Variants in MYH9 observed in about 807,000 individuals in gnomAD.
MYH9 encodes the protein myosin heavy chain 9.
Under a neutral mutation model 241.9 loss-of-function variants are expected in MYH9, and 29 were observed. The observed-to-expected ratio is 0.12, with a 90% CI of 0.09 to 0.16. The LOEUF (loss-of-function observed/expected upper bound fraction) is 0.16. Ranked by LOEUF, MYH9 falls within the 10% of genes least tolerant of loss-of-function variation. The probability of loss-of-function intolerance (pLI) is 1.00; values close to 1 mark genes in which losing one functional copy is unlikely to be tolerated. For missense variants in MYH9, 1,803 were observed against 2,595.5 expected (o/e 0.69, Z 6.63); for synonymous variants, 1,047 against 1,062.6 (o/e 0.99, Z 0.29).
chr22:36,282,079 C>G lies in MYH9; in HGVS notation c.*589G>C, dbSNP rs116572976. ...GTGGGGAGGAATCCACTCCTCCCCC[C>G]ACCCCAGCCTTCTGTGCCCTGCACA... On this transcript the variant is annotated 3_prime_UTR_variant, in exon 41 of 41. Coordinates refer to ENST00000216181, the MANE Select transcript of MYH9 (RefSeq NM_002473.6). The G allele has an allele frequency of 5.9e-5, 14 of 237,244 alleles. No homozygotes were observed. Among genetic ancestry groups the G allele is most frequent in the Non-Finnish European group, 1.0e-4 (12 of 119,928 alleles). The allele number at this position is 237,244 out of a possible 1,614,324, so 14.7% of individuals were successfully genotyped here.
intron 31 of MYH9, among the ~76,000 whole-genome samples, chr22:36,291,051 G>A (rs1322962682): frequency 3.3e-5 from 5 of 149,348 alleles, no homozygotes; most frequent in Admixed American, 3.3e-4. Context: ...ATCCGGGAGG[G>A]AGGTGGGGGG....
rs2016717004 is a variant in MYH9 at position 36,292,190 on chromosome 22, C to T, written c.4140G>A (p.Leu1380=). The change falls in exon 31 of 41, where the codon CTG becomes CTA. Residue 1380 remains leucine (L), a synonymous_variant. Coordinates refer to ENST00000216181, the MANE Select transcript of MYH9 (RefSeq NM_002473.6). Reference sequence around the variant, plus strand: ...TCCTCTTCACCTCCTCAGCAGTTTCCAGGCACCCCACACTGTCCTCCATCT... The same window carrying T: ...TCCTCTTCACCTCCTCAGCAGTTTCTAGGCACCCCACACTGTCCTCCATCT... ...KKKMEDSVGC[L]ETAEEVKRKL... is the part of the protein sequence containing the mutation. 6.2e-7 allele frequency: 1 copy of T among 1,614,126 alleles called. No individual in the cohort carries two copies. The highest frequency in any genetic ancestry group is 8.5e-7 in the Non-Finnish European group (1 of 1,180,032).
chr22:36,335,083 C>A (rs748698696), intron 3 of MYH9, among the ~76,000 whole-genome samples: 1 of 152,174 alleles, frequency 6.6e-6, no homozygotes, highest in Middle Eastern at 3.2e-3. Flanking sequence ...CCCGTACCCA[C>A]CCCAGAAGCT....
chr22:36,305,801 T>C lies in MYH9; in HGVS notation c.2159+129A>G. The C allele has an allele frequency of 7.4e-7, 1 of 1,343,582 alleles. No homozygotes were observed. The highest frequency in any genetic ancestry group is 1.1e-6 in the Non-Finnish European group (1 of 946,976). The allele number at this position is 1,343,582 out of a possible 1,614,324, so 83.2% of individuals were successfully genotyped here. The stretch of plus-strand genomic sequence containing the variant: ...GGAGGTGGGGAAGAGCTGGCCAGAC[T>C]CAGTTCTACATGGATGGAGGACGTC... On this transcript the variant is annotated intron_variant, in intron 17 of 40. Transcript: ENST00000216181. This position sits in a 1 kb window ranked among gnomAD's most constrained non-coding sequence, Gnocchi z 4.7.
At chr22:36,317,152 G>T (rs1167089475) in intron 11 of MYH9, among the ~76,000 whole-genome samples, 2 of 144,238 alleles carry the variant, frequency 1.4e-5, no homozygotes, top group Non-Finnish European at 3.1e-5. Context: ...GGGGAGATAA[G>T]ACAAACGATG....
Position 36,285,992 on chromosome 22 carries a change from C to T in MYH9, c.5062-39G>A. 6.2e-7 allele frequency: 1 copy of T among 1,603,962 alleles called. No homozygotes were observed. On this transcript the variant is annotated intron_variant, in intron 35 of 40. Transcript: ENST00000216181. The surrounding 1 kb of genome is among the most constrained non-coding windows in gnomAD (Gnocchi z 7.0). ...CCAGAGTGTGACCTAAAGGCAGCCA[C>T]AGCCCCACAAGACCATCCTTCCCAG...
chr22:36,301,301 G>C (rs2016872960), intron 21 of MYH9, among the ~76,000 whole-genome samples: 1 of 152,152 alleles, frequency 6.6e-6, no homozygotes, highest in Admixed American at 6.5e-5. Flanking sequence ...GTAGAGCTGA[G>C]GTTTGAACCC....
chr22:36,384,609 AAAATATATATATATATAT>A (rs1281172290), intron 1 of MYH9, among the ~76,000 whole-genome samples: 86 of 22,754 alleles, frequency 3.8e-3, no homozygotes, highest in African/African-American at 0.011. Context: ...AAAAAAAAAA[AAAATATATATATATATAT>A]ATATATATAT....
At chr22:36,309,510 C>T (rs1200792629) in intron 14 of MYH9, 114 bp from the exon 15 acceptor site, 3 of 768,346 alleles carry the variant, frequency 3.9e-6, no homozygotes, top group Admixed American at 2.0e-5. Flanking sequence ...ACGTGAAGAC[C>T]CTTTGATCCA....
chr22:36,341,310 G>T, intron 3 of MYH9, 60 bp downstream of exon 3: 1 of 1,601,186 alleles, frequency 6.2e-7, no homozygotes, highest in Non-Finnish European at 8.5e-7. Flanking sequence ...ACCTGCAAAG[G>T]TGTCAATGAG....
intron 13 of MYH9, among the ~76,000 whole-genome samples, chr22:36,313,451 CAAAAAAAAAAAAAA>C (rs57101170): frequency 1.9e-5 from 1 of 52,930 alleles, no homozygotes; most frequent in East Asian, 4.1e-4. Flanking sequence ...GACTCCGTCT[CAAAAAAAAAAAAAA>C]AAAAAAAAAG....
rs532156048 is a variant in MYH9, at chr22:36,296,901, C to A, written c.3214G>T (p.Ala1072Ser). Residue 1072 changes from alanine to serine, a missense_variant, in exon 25 of 41, where the codon GCG (alanine) becomes TCG (serine). Physicochemically the swap from Ala to Ser is moderately conservative, Grantham distance 99. Coordinates refer to ENST00000216181, the MANE Select transcript of MYH9 (RefSeq NM_002473.6). ...TTGGCCAGCTGCATCTTGAGCTCCG[C>A]GATCTGGGCCTGGAGCTCGGCGATC... ...DQIAELQAQI[A>S]ELKMQLAKKE... The A allele has an allele frequency of 6.2e-7, 1 of 1,613,786 alleles. No homozygotes were observed. The highest frequency in any genetic ancestry group is 8.5e-7 in the Non-Finnish European group (1 of 1,179,826).
At chr22:36,325,712 T>C (rs1266531950) in intron 5 of MYH9, among the ~76,000 whole-genome samples, 3 of 152,210 alleles carry the variant, frequency 2.0e-5, no homozygotes, top group African/African-American at 7.2e-5. Flanking sequence ...AGGTTCCGCA[T>C]GGGACATGAC....
Position 36,380,087 on chromosome 22 carries a change from C to T in MYH9, c.-20+7720G>A, listed in dbSNP as rs1403582004. 4.6e-5 allele frequency among the ~76,000 whole-genome samples: 7 copies of T among 152,228 alleles called. No individual in the cohort carries two copies. The East Asian group carries it at 9.6e-4, about 21-fold the overall frequency. ...GGCGGTCCCATTTTAGAGCCAGTCTCATAGTGTGTGCTCATGTGTGACTCA... is the reference window on the plus strand; with the variant it reads ...GGCGGTCCCATTTTAGAGCCAGTCTTATAGTGTGTGCTCATGTGTGACTCA... On this transcript the variant is annotated intron_variant, in intron 1 of 40. Coordinates refer to ENST00000216181, the MANE Select transcript of MYH9 (RefSeq NM_002473.6).
In MYH9 at chr22:36,355,457, C is replaced by T. The variant is rs1392190904; in HGVS notation, c.-19-6202G>A. On this transcript the variant is annotated intron_variant, in intron 1 of 40. Transcript: ENST00000216181. ...GTGGGTTTGTCTGGAAAATGAACAG[C>T]TAGCACCTTAAAGACAGAATGTATT... Among the ~76,000 whole-genome samples the T allele has an allele frequency of 2.0e-5, 3 of 152,272 alleles. No individual in the cohort carries two copies. In the East Asian group the frequency reaches 5.8e-4, roughly 29 times the overall value.
intron 1 of MYH9, among the ~76,000 whole-genome samples, chr22:36,369,909 C>CT (rs1286877796): frequency 1.3e-5 from 2 of 152,158 alleles, no homozygotes; most frequent in Non-Finnish European, 2.9e-5. Context: ...AAAATAGGAA[C>CT]ACTAATACTG....
chr22:36,303,618 T>C (rs2016920296), intron 19 of MYH9, among the ~76,000 whole-genome samples: 1 of 151,740 alleles, frequency 6.6e-6, no homozygotes, highest in Non-Finnish European at 1.5e-5. Flanking sequence ...ACCCCGTCTC[T>C]ACTAAAAATA....
At chr22:36,366,540 G>T (rs1266825222) in intron 1 of MYH9, among the ~76,000 whole-genome samples, 1 of 152,190 alleles carries the variant, frequency 6.6e-6, no homozygotes, top group Non-Finnish European at 1.5e-5. Context: ...TAAAAAAGGA[G>T]AGAGCCTCAG....
At chr22:36,381,332 T>C (rs995871967) in intron 1 of MYH9, among the ~76,000 whole-genome samples, 2 of 151,952 alleles carry the variant, frequency 1.3e-5, no homozygotes, top group Admixed American at 6.6e-5. Flanking sequence ...CTGGGCAACA[T>C]GGTGAAACCC....
Sources: gnomAD v4.1 joint callset for allele counts (sites outside exome capture counted in the v4.1 genomes callset) on GRCh38, gnomAD v4.1.1 for gene constraint, Gnocchi (gnomAD v3.1) non-coding constraint, MANE v1.5 for transcripts, NCBI Gene and HGNC (gene_info 2026-07-23, HGNC 2026-07-21) for gene names.